Variants in TRAPPC10 observed in about 807,000 individuals in gnomAD.
The protein encoded by TRAPPC10 is TRAPP 130 kDa subunit.
TRAPPC10 carries 23 observed loss-of-function variants against 125.5 expected under a neutral mutation model. The ratio of observed to expected loss-of-function variants is 0.18; its 90% CI spans 0.13 to 0.26. The LOEUF is 0.26. Ranked by LOEUF, TRAPPC10 falls within the 10% of genes least tolerant of loss-of-function variation. The pLI is 1.00. For synonymous variants in TRAPPC10, 509 were observed against 518.0 expected, an observed-to-expected ratio of 0.98 and a Z score of 0.24; for missense variants, 1,123 against 1,308.4, an observed-to-expected ratio of 0.86 and a Z score of 2.19.
At chr21:44,053,823 C>T (rs1380831792) in intron 4 of TRAPPC10, among the ~76,000 whole-genome samples, 1 of 152,172 alleles carries the variant, frequency 6.6e-6, no homozygotes, top group Non-Finnish European at 1.5e-5. Context: ...GGCCCACCAT[C>T]CCTGACTTCA....
chr21:44,013,440 T>C (rs2031411781), intron 1 of TRAPPC10, among the ~76,000 whole-genome samples: 1 of 152,220 alleles, frequency 6.6e-6, no homozygotes, highest in Non-Finnish European at 1.5e-5. Flanking sequence ...GTATTCTGTA[T>C]TTTCATGCAT....
At chr21:44,092,408 C>T (rs1431871540) in intron 19 of TRAPPC10, among the ~76,000 whole-genome samples, 2 of 152,242 alleles carry the variant, frequency 1.3e-5, no homozygotes, top group Non-Finnish European at 2.9e-5. Context: ...TGGTGCCCGA[C>T]ACCTTGGTGC....
At chr21:44,014,499 G>A (rs1197646198) in intron 1 of TRAPPC10, among the ~76,000 whole-genome samples, 1 of 151,964 alleles carries the variant, frequency 6.6e-6, no homozygotes. Flanking sequence ...TCTGCCTCCC[G>A]GGTTCAAGCG....
At position 44,087,815 on chromosome 21, in the gene TRAPPC10, C is replaced by T. The variant is rs2038248495; in HGVS notation, c.2656C>T (p.Pro886Ser). Residue 886 changes from proline (P) to serine (S), a missense_variant, in exon 17 of 23, where the codon CCT (proline) becomes TCT (serine). Pro to Ser is a moderately conservative substitution (Grantham distance 74). Transcript: ENST00000291574. The surrounding 1 kb of genome is among the most constrained non-coding windows in gnomAD (Gnocchi z 4.6). ...ATTTGAACTGGAAGTTCTCTCTTTACCTTCAGCCCCAGCACTCGGAGGGGA... is the reference window on the plus strand; with the variant it reads ...ATTTGAACTGGAAGTTCTCTCTTTATCTTCAGCCCCAGCACTCGGAGGGGA... The part of the protein sequence containing the change: ...IEFELEVLSL[P>S]SAPALGGESD... The T allele has an allele frequency of 1.2e-6, 2 of 1,614,230 alleles. No homozygotes were observed. Among genetic ancestry groups the T allele is most frequent in the Non-Finnish European group, 1.7e-6 (2 of 1,180,038 alleles).
intron 1 of TRAPPC10, among the ~76,000 whole-genome samples, chr21:44,020,906 A>T (rs927877631): frequency 7.9e-5 from 12 of 152,200 alleles, no homozygotes; most frequent in African/African-American, 2.9e-4. Flanking sequence ...AGCTCGGACC[A>T]ATATTAGCAT....
intron 14 of TRAPPC10, 23 bp from the exon 15 acceptor site, chr21:44,084,099 A>G: frequency 1.2e-6 from 2 of 1,612,918 alleles, no homozygotes; most frequent in Non-Finnish European, 1.7e-6. Context: ...CGTGGTTTCA[A>G]ATGCCTGATT....
At position 44,015,194 on chromosome 21, in the gene TRAPPC10, T is replaced by G. The variant is rs140333415; in HGVS notation, c.67+2634T>G. On this transcript the variant is annotated intron_variant, in intron 1 of 22. Transcript: ENST00000291574. The stretch of plus-strand genomic sequence containing the variant: ...GTTCATTTTAAAATGAAAGTAGAGT[T>G]TATGCATGTTGTGAATTTTTTTTCC... Among the ~76,000 whole-genome samples, 427 of 152,306 alleles carry G rather than the reference T, an allele frequency of 2.8e-3. 2 individuals carry two copies. Among genetic ancestry groups the G allele is most frequent in the African/African-American group, 0.01 (418 of 41,560 alleles).
At chr21:44,054,622 G>C (rs2035442799) in intron 4 of TRAPPC10, among the ~76,000 whole-genome samples, 1 of 152,176 alleles carries the variant, frequency 6.6e-6, no homozygotes, top group Admixed American at 6.5e-5. Flanking sequence ...ACGTTGCCTT[G>C]TCCAAATCTG....
chr21:44,044,402 CTG>C (rs2034631590), intron 3 of TRAPPC10, among the ~76,000 whole-genome samples: 1 of 150,574 alleles, frequency 6.6e-6, no homozygotes, highest in Non-Finnish European at 1.5e-5. Flanking sequence ...AAGTAAAACT[CTG>C]TTATGTTGAA....
chr21:44,081,657 C>A (rs545457239), intron 13 of TRAPPC10, among the ~76,000 whole-genome samples: 2 of 152,222 alleles, frequency 1.3e-5, no homozygotes, highest in South Asian at 4.2e-4. Context: ...GAGGCCGGGG[C>A]AGGCAGATCA....
At chr21:44,021,924 G>A (rs1010818604) in intron 1 of TRAPPC10, among the ~76,000 whole-genome samples, 3 of 152,036 alleles carry the variant, frequency 2.0e-5, no homozygotes, top group Non-Finnish European at 4.4e-5. Context: ...GACCTACAGA[G>A]CTATGAGAAA....
chr21:44,081,671 G>C (rs995562113), intron 13 of TRAPPC10, among the ~76,000 whole-genome samples: 1 of 152,228 alleles, frequency 6.6e-6, no homozygotes, highest in Non-Finnish European at 1.5e-5. Flanking sequence ...CAGATCACTT[G>C]AGGTCAGGAG....
At position 44,083,278 on chromosome 21, in the gene TRAPPC10, C is replaced by T; in HGVS notation, c.2214C>T (p.Ala738=). Reference sequence around the variant, plus strand: ...GCCACGTGACCCTGGAACCAGGGGCCAACCAGATAACATTCAGGACTCAGG... The same window carrying T: ...GCCACGTGACCCTGGAACCAGGGGCTAACCAGATAACATTCAGGACTCAGG... The part of the protein sequence containing the change: ...RCSHVTLEPG[A]NQITFRTQAK... The change falls in exon 14 of 23, where the codon GCC becomes GCT. Residue 738 remains alanine, a synonymous_variant. Transcript: ENST00000291574. 1 of 1,613,854 alleles carries T rather than the reference C, an allele frequency of 6.2e-7. No homozygotes were observed. The highest frequency in any genetic ancestry group is 8.5e-7 in the Non-Finnish European group (1 of 1,179,932).
chr21:44,037,665 A>G, intron 2 of TRAPPC10, 127 bp from the exon 3 acceptor site: 1 of 1,054,012 alleles, frequency 9.5e-7, no homozygotes, highest in African/African-American at 1.6e-5. Context: ...TAGCGTAGTT[A>G]TGATTTGGGG....
Position 44,060,911 on chromosome 21 carries a change from T to TACACAC in TRAPPC10, c.790+1700_790+1701insCACACA, listed in dbSNP as rs1230320455. On this transcript the variant is annotated intron_variant, in intron 6 of 22. Coordinates refer to ENST00000291574, the MANE Select transcript of TRAPPC10 (RefSeq NM_003274.5). ...CCACCATGCCCAGCCTATACATACATACATACACACACACACACACACACA... is the reference window on the plus strand; with the variant it reads ...CCACCATGCCCAGCCTATACATACATACACACACATACACACACACACACACACACA... Among the ~76,000 whole-genome samples the TACACAC allele has an allele frequency of 6.6e-3, 707 of 106,368 alleles. 9 individuals carry two copies. The highest frequency in any genetic ancestry group is 0.036 in the African/African-American group (681 of 18,950). 69.8% of individuals were successfully genotyped at this position (106,368 alleles called of 152,430 possible).
intron 3 of TRAPPC10, among the ~76,000 whole-genome samples, chr21:44,045,179 C>T (rs911818743): frequency 2.1e-4 from 32 of 152,116 alleles, no homozygotes; most frequent in African/African-American, 5.1e-4. Context: ...GTGATCCGCC[C>T]GCCTCTGCCT....
At chr21:44,025,821 G>GTGTGTGTGTGTGTGTGTGT (rs2032991774) in intron 1 of TRAPPC10, among the ~76,000 whole-genome samples, 1 of 109,866 alleles carries the variant, frequency 9.1e-6, no homozygotes, top group African/African-American at 3.4e-5. Context: ...AGAGGGCAGG[G>GTGTGTGTGTGTGTGTGTGT]GTGTGTGTGT....
intron 3 of TRAPPC10, among the ~76,000 whole-genome samples, chr21:44,045,886 C>A (rs2034765215): frequency 6.6e-6 from 1 of 151,930 alleles, no homozygotes; most frequent in Non-Finnish European, 1.5e-5. Context: ...TGGTTTTTAA[C>A]AGTTTGATTA....
At chr21:44,026,620 AATT>A (rs2033100003) in intron 1 of TRAPPC10, among the ~76,000 whole-genome samples, 1 of 152,238 alleles carries the variant, frequency 6.6e-6, no homozygotes, top group Admixed American at 6.5e-5. Context: ...AGGCTTAAAG[AATT>A]ATTATTTCTG....
Sources: gnomAD v4.1 joint callset for allele counts (sites outside exome capture counted in the v4.1 genomes callset) on GRCh38, gnomAD v4.1.1 for gene constraint, Gnocchi (gnomAD v3.1) non-coding constraint, MANE v1.5 for transcripts, NCBI Gene and HGNC (gene_info 2026-07-23, HGNC 2026-07-21) for gene names.